CDC40: variants seen among roughly 807,000 people sequenced by gnomAD.
CDC40 encodes pre-mRNA-processing factor 17.
Under a neutral mutation model 80.6 loss-of-function variants are expected in CDC40, and 27 were observed. The observed-to-expected ratio is 0.33, with a 90% CI of 0.25 to 0.46. The LOEUF (loss-of-function observed/expected upper bound fraction) is 0.46, where lower values mean the gene tolerates loss of function less well. CDC40 is among the 20% of genes least tolerant of loss of function. The pLI, the probability that CDC40 is intolerant of heterozygous loss-of-function variation, is 1.00. For missense variants in CDC40, 486 were observed against 694.1 expected (o/e 0.70, Z 3.37); for synonymous variants, 221 against 232.6 (o/e 0.95, Z 0.45).
chr6:110,210,931 T>C, intron 6 of CDC40, 128 bp downstream of exon 6: 1 of 374,204 alleles, frequency 2.7e-6, no homozygotes. Context: ...TATAATTGTG[T>C]TGGACAATTT....
At chr6:110,183,277 G>A (rs1029464676) in intron 1 of CDC40, among the ~76,000 whole-genome samples, 4 of 152,108 alleles carry the variant, frequency 2.6e-5, no homozygotes, top group Non-Finnish European at 4.4e-5. Flanking sequence ...GTATCCATTC[G>A]TTTGTGTCTC....
At chr6:110,228,326 A>G (rs1288284336) in intron 13 of CDC40, among the ~76,000 whole-genome samples, 3 of 152,194 alleles carry the variant, frequency 2.0e-5, no homozygotes, top group Non-Finnish European at 2.9e-5. Context: ...ATGAATCCTA[A>G]GTAGAGAAAA....
chr6:110,217,873 CTT>C, intron 10 of CDC40, 70 bp downstream of exon 10: 1 of 777,664 alleles, frequency 1.3e-6, no homozygotes, highest in South Asian at 1.5e-5. Context: ...TGTGAGTAGT[CTT>C]TTGTGGCAAA....
intron 10 of CDC40, among the ~76,000 whole-genome samples, chr6:110,218,265 A>G (rs1403315009): frequency 6.6e-6 from 1 of 152,220 alleles, no homozygotes; most frequent in Non-Finnish European, 1.5e-5. Context: ...TCACATTAAT[A>G]TGTTGTGGCT....
chr6:110,200,330 G>T (rs1251844705), intron 2 of CDC40, among the ~76,000 whole-genome samples: 1 of 152,168 alleles, frequency 6.6e-6, no homozygotes, highest in Non-Finnish European at 1.5e-5. Context: ...GTTAAGAGAA[G>T]ATGAGTAATT....
chr6:110,192,639 C>T (rs2114651150), intron 1 of CDC40, among the ~76,000 whole-genome samples: 1 of 152,228 alleles, frequency 6.6e-6, no homozygotes, highest in African/African-American at 2.4e-5. Context: ...AGTTATACTA[C>T]CAGTGATTCT....
chr6:110,229,655 C>CA (rs1037790705), intron 14 of CDC40, among the ~76,000 whole-genome samples: 1 of 152,116 alleles, frequency 6.6e-6, no homozygotes, highest in African/African-American at 2.4e-5. Context: ...ATTGGTTCTC[C>CA]AGTCTCTGTT....
chr6:110,199,575 CAG>C (rs1176946393), intron 2 of CDC40, among the ~76,000 whole-genome samples: 3 of 138,628 alleles, frequency 2.2e-5, no homozygotes, highest in Non-Finnish European at 3.1e-5. Context: ...GCCTGGGTGA[CAG>C]AGGGAGACCC....
intron 6 of CDC40, chr6:110,211,598 T>C (rs968370613): frequency 1.3e-5 from 2 of 152,740 alleles, no homozygotes; most frequent in African/African-American, 4.8e-5. Context: ...AATTGCTGTA[T>C]ATATACTATG....
At chr6:110,213,266 A>G (rs1777659077) in intron 8 of CDC40, 106 bp downstream of exon 8, 35 of 739,218 alleles carry the variant, frequency 4.7e-5, no homozygotes. Flanking sequence ...TTAGAAGCTA[A>G]TTATTTTCTC....
chr6:110,232,189 CAT>C lies in CDC40; in HGVS notation c.*2061_*2062del, dbSNP rs1346051451. On this transcript the variant is annotated 3_prime_UTR_variant, in exon 15 of 15. Coordinates refer to ENST00000307731, the MANE Select transcript of CDC40 (RefSeq NM_015891.3). ...ATAAAAGTCTCCTTTTTAAAAAGAT[CAT>C]ATTTTTAAATAAAGCATTTTTTGTA... 6.6e-6 allele frequency: 1 copy of C among 152,532 alleles called. No homozygotes were observed. The highest frequency in any genetic ancestry group is 1.5e-5 in the Non-Finnish European group (1 of 68,028). 9.4% of individuals were successfully genotyped at this position (152,532 alleles called of 1,614,324 possible). A position where few individuals can be genotyped will look rare whatever the true frequency, so the allele number is the denominator to read the frequency against.
chr6:110,223,762 G>A (rs1777810228), intron 12 of CDC40, among the ~76,000 whole-genome samples: 1 of 152,074 alleles, frequency 6.6e-6, no homozygotes, highest in Non-Finnish European at 1.5e-5. Context: ...ATGTTCTAAA[G>A]GAGAATAAAA....
chr6:110,215,254 T>C (rs777733360), intron 8 of CDC40, 32 bp from the exon 9 acceptor site: 1 of 1,586,610 alleles, frequency 6.3e-7, no homozygotes, highest in Non-Finnish European at 8.7e-7. Context: ...TTAAATGTAA[T>C]ATTTCCATGT....
In CDC40 at chr6:110,180,465, T is replaced by C. The variant is rs1167066577; in HGVS notation, c.21T>C (p.Ala7=). 1 of 1,614,072 alleles carries C rather than the reference T, an allele frequency of 6.2e-7. No homozygotes were observed. The highest frequency in any genetic ancestry group is 1.7e-5 in the Admixed American group (1 of 60,010). Residue 7 remains alanine (A), a synonymous_variant, in exon 1 of 15, where the codon GCT becomes GCC. Coordinates refer to ENST00000307731, the MANE Select transcript of CDC40 (RefSeq NM_015891.3). MSAAIA[A]LAASYGSGSG... ...CCGTCATGTCGGCTGCGATTGCAGCTCTGGCCGCTTCCTATGGTTCGGGTT... is the reference window on the plus strand; with the variant it reads ...CCGTCATGTCGGCTGCGATTGCAGCCCTGGCCGCTTCCTATGGTTCGGGTT...
chr6:110,198,584 T>C (rs1404897106), intron 2 of CDC40, among the ~76,000 whole-genome samples: 2 of 152,230 alleles, frequency 1.3e-5, no homozygotes, highest in African/African-American at 4.8e-5. Context: ...GTTCCTTGTG[T>C]ATTTTGGATA....
chr6:110,185,426 T>A (rs1375408680), intron 1 of CDC40, among the ~76,000 whole-genome samples: 2 of 151,522 alleles, frequency 1.3e-5, no homozygotes, highest in African/African-American at 4.9e-5. Context: ...GTATTTTTAG[T>A]AGAGACGGGG....
intron 3 of CDC40, among the ~76,000 whole-genome samples, chr6:110,201,985 A>G (rs1302930495): frequency 6.6e-6 from 1 of 152,196 alleles, no homozygotes; most frequent in Non-Finnish European, 1.5e-5. Context: ...TATCCATTAC[A>G]TGTAGGTTGC....
In CDC40 at chr6:110,232,153, A is replaced by C. The variant is rs187575470; in HGVS notation, c.*2022A>C. On this transcript the variant is annotated 3_prime_UTR_variant, in exon 15 of 15. Coordinates refer to ENST00000307731, the MANE Select transcript of CDC40 (RefSeq NM_015891.3). ...CTGTTGTGTTTTTGACTGTTTCTAA[A>C]GTAAGTGTGTATAAAAGTCTCCTTT... is the stretch of plus-strand genomic sequence containing the variant. The C allele has an allele frequency of 1.9e-4, 29 of 152,618 alleles. No individual in the cohort carries two copies. In the East Asian group the frequency reaches 4.4e-3, roughly 23 times the overall value. 9.5% of individuals were successfully genotyped at this position (152,618 alleles called of 1,614,324 possible).
chr6:110,217,839 A>G (rs749546629), intron 10 of CDC40, 36 bp downstream of exon 10: 1 of 1,040,328 alleles, frequency 9.6e-7, no homozygotes, highest in African/African-American at 1.6e-5. Flanking sequence ...CATTCATCTT[A>G]CAAGTTATTT....
Sources: gnomAD v4.1 joint callset for allele counts (sites outside exome capture counted in the v4.1 genomes callset) on GRCh38, gnomAD v4.1.1 for gene constraint, MANE v1.5 for transcripts, NCBI Gene and HGNC (gene_info 2026-07-23, HGNC 2026-07-21) for gene names.